RGS10: variants seen among roughly 807,000 people sequenced by gnomAD.
RGS10 encodes regulator of G protein signaling 10.
RGS10 carries 11 observed loss-of-function variants against 23.5 expected under a neutral mutation model. The observed-to-expected ratio is 0.47, with a 90% CI of 0.29 to 0.77. RGS10 has a LOEUF of 0.77. Among genes scored for constraint, RGS10 ranks in the 30% least tolerant of loss-of-function variants. RGS10 has a pLI of 0.08. For missense variants in RGS10, 180 were observed against 226.3 expected (o/e 0.80, Z 1.31); for synonymous variants, 77 against 83.2 (o/e 0.92, Z 0.41).
At chr10:119,511,897 T>C (rs551272876) in intron 4 of RGS10, among the ~76,000 whole-genome samples, 30 of 152,280 alleles carry the variant, frequency 2.0e-4, no homozygotes, top group African/African-American at 7.2e-4. Context: ...CCATAGTCTC[T>C]ACCACAACTT....
chr10:119,542,420 G>T (rs946659474), intron 1 of RGS10, among the ~76,000 whole-genome samples, 170 bp downstream of exon 1: 18 of 152,200 alleles, frequency 1.2e-4, no homozygotes, highest in Non-Finnish European at 2.5e-4. Context: ...TCCCGTCGCG[G>T]CTGGGACCGC....
intron 4 of RGS10, 43 bp downstream of exon 4, chr10:119,515,466 T>G: frequency 6.2e-7 from 1 of 1,611,228 alleles, no homozygotes; most frequent in Non-Finnish European, 8.5e-7. Context: ...CTGGAATTAA[T>G]GTAGGTTTTC....
intron 1 of RGS10, among the ~76,000 whole-genome samples, chr10:119,539,961 A>C (rs1339302693): frequency 2.7e-4 from 1 of 3,758 alleles, no homozygotes; most frequent in Non-Finnish European, 0.014. Context: ...CAAAATTACA[A>C]AAAAAAAAAA....
chr10:119,504,599 CTCATT>C (rs1286409412), intron 4 of RGS10, among the ~76,000 whole-genome samples: 1 of 152,108 alleles, frequency 6.6e-6, no homozygotes, highest in Non-Finnish European at 1.5e-5. Flanking sequence ...CAGAATGGAC[CTCATT>C]TGAAAAGAGG....
intron 4 of RGS10, among the ~76,000 whole-genome samples, chr10:119,514,210 A>T (rs1246939627): frequency 6.6e-6 from 1 of 151,768 alleles, no homozygotes; most frequent in Non-Finnish European, 1.5e-5. Context: ...ACAAAAAATT[A>T]GCCGGGCGTG....
chr10:119,515,285 A>G (rs2133950232), intron 4 of RGS10: 1 of 561,482 alleles, frequency 1.8e-6, no homozygotes, highest in South Asian at 2.0e-5. Context: ...AACTGTGTGT[A>G]GACCAAGATT....
intron 4 of RGS10, among the ~76,000 whole-genome samples, chr10:119,512,870 A>G (rs1346295761): frequency 6.6e-6 from 1 of 152,150 alleles, no homozygotes; most frequent in Admixed American, 6.5e-5. Flanking sequence ...ATTTTTAACA[A>G]CAGAGTATAA....
chr10:119,534,638 C>T (rs956969991), intron 1 of RGS10, among the ~76,000 whole-genome samples: 6 of 146,648 alleles, frequency 4.1e-5, no homozygotes, highest in Non-Finnish European at 8.9e-5. Flanking sequence ...CGCCTGTAAT[C>T]CCAGCACTTT....
rs116567252 is a variant in RGS10, at chr10:119,516,688, G to A, written c.256-1036C>T. On this transcript the variant is annotated intron_variant, in intron 3 of 4. Coordinates refer to ENST00000369103, the MANE Select transcript of RGS10 (RefSeq NM_001005339.2). The stretch of plus-strand genomic sequence containing the variant: ...AAGCAGGAGCCGTGAGTAGGTACCG[G>A]CTTCCTGTTTCACCCGAAACTAACC... Among the ~76,000 whole-genome samples the A allele has an allele frequency of 9.8e-3, 1,491 of 152,296 alleles. 30 individuals are homozygous for A. Among genetic ancestry groups the A allele is most frequent in the African/African-American group, 0.034 (1,425 of 41,560 alleles).
At chr10:119,515,939 G>C (rs1269595721) in intron 3 of RGS10, among the ~76,000 whole-genome samples, 1 of 152,214 alleles carries the variant, frequency 6.6e-6, no homozygotes, top group Non-Finnish European at 1.5e-5. Context: ...GGCCCGCAGA[G>C]AGCACTCAGT....
At chr10:119,540,710 A>G (rs1321340083) in intron 1 of RGS10, among the ~76,000 whole-genome samples, 2 of 152,258 alleles carry the variant, frequency 1.3e-5, no homozygotes, top group Non-Finnish European at 2.9e-5. Flanking sequence ...CCAGGATACA[A>G]TGGTTCTATC....
chr10:119,523,112 C>G (rs986450454), intron 3 of RGS10, among the ~76,000 whole-genome samples: 1 of 151,940 alleles, frequency 6.6e-6, no homozygotes, highest in Non-Finnish European at 1.5e-5. Context: ...CTTGACCTCC[C>G]AAAGTGTTAT....
chr10:119,505,878 C>A (rs1021088402), intron 4 of RGS10, among the ~76,000 whole-genome samples: 1 of 152,208 alleles, frequency 6.6e-6, no homozygotes, highest in African/African-American at 2.4e-5. Context: ...AAACCCTCTG[C>A]CATTTTATTT....
At chr10:119,531,460 C>T (rs1844328798) in intron 1 of RGS10, among the ~76,000 whole-genome samples, 1 of 152,160 alleles carries the variant, frequency 6.6e-6, no homozygotes, top group South Asian at 2.1e-4. Flanking sequence ...ACCATTTAGC[C>T]AACAAAATGT....
At chr10:119,507,606 A>G (rs1416483338) in intron 4 of RGS10, among the ~76,000 whole-genome samples, 4 of 130,652 alleles carry the variant, frequency 3.1e-5, no homozygotes, top group Non-Finnish European at 4.8e-5. Context: ...TTTTTTTGAG[A>G]CAGAGTCTCA....
chr10:119,521,593 G>A (rs1241985967), intron 3 of RGS10, among the ~76,000 whole-genome samples: 2 of 135,582 alleles, frequency 1.5e-5, no homozygotes, highest in Non-Finnish European at 3.1e-5. Context: ...AGAAAGGAAG[G>A]AAGGAAGGAA....
In RGS10 at chr10:119,542,624, G is replaced by T. The variant is rs1194042014; in HGVS notation, c.15C>A (p.Ala5=). 9 of 1,422,370 alleles carry T rather than the reference G, an allele frequency of 6.3e-6. No individual in the cohort carries two copies. The Admixed American group carries it at 1.5e-4, about 24-fold the overall frequency. The allele number at this position is 1,422,370 out of a possible 1,614,324, so 88.1% of individuals were successfully genotyped here. A position where few individuals can be genotyped will look rare whatever the true frequency, so the allele number is the denominator to read the frequency against. Residue 5 remains alanine (A), a synonymous_variant, in exon 1 of 5, where the codon GCC becomes GCA. Transcript: ENST00000369103. MFNR[A]VSRLSRKRPP... is the part of the protein sequence containing the mutation. ...GCCGCTTCCTGCTCAGCCGGCTCAC[G>T]GCGCGGTTGAACATCGCCGCGGGCG...
chr10:119,501,046 A>T (rs1035085696), intron 4 of RGS10, among the ~76,000 whole-genome samples: 3 of 152,088 alleles, frequency 2.0e-5, no homozygotes, highest in Admixed American at 6.5e-5. Flanking sequence ...GCCGCCACTG[A>T]ACCTCTTTTC....
chr10:119,523,782 T>A lies in RGS10; in HGVS notation c.255+2250A>T, dbSNP rs1204435503. 2.6e-5 allele frequency among the ~76,000 whole-genome samples: 4 copies of A among 152,210 alleles called. No individual in the cohort carries two copies. In the East Asian group the frequency reaches 5.8e-4, roughly 22 times the overall value. On this transcript the variant is annotated intron_variant, in intron 3 of 4. Transcript: ENST00000369103. ...GGGCAGGGCAACCCAACACCAGACC[T>A]GCCTGACCTGAAAGGCTGGAAGAGG...
Sources: gnomAD v4.1 joint callset for allele counts (sites outside exome capture counted in the v4.1 genomes callset) on GRCh38, gnomAD v4.1.1 for gene constraint, MANE v1.5 for transcripts, NCBI Gene and HGNC (gene_info 2026-07-23, HGNC 2026-07-21) for gene names.